The following MSC variants were observed in gnomAD, a reference collection of about 807,000 sequenced individuals.
The protein encoded by MSC is musculin.
Under a neutral mutation model 14.4 loss-of-function variants are expected in MSC, and 16 were observed. That is an observed-to-expected ratio of 1.11 (90% CI 0.75 to 1.69). The LOEUF (loss-of-function observed/expected upper bound fraction) is 1.69. Among genes scored for constraint, MSC ranks in the 40% most tolerant of loss-of-function variants. MSC has a pLI of 0.00. For missense variants in MSC, 320 were observed against 288.1 expected (o/e 1.11, Z -0.80); for synonymous variants, 165 against 128.5 (o/e 1.28, Z -1.92).
intron 1 of MSC, 61 bp downstream of exon 1, chr8:71,843,584 C>A (rs774628993): frequency 3.0e-5 from 49 of 1,611,856 alleles, no homozygotes; most frequent in Non-Finnish European, 4.2e-5. Context: ...TGCCCGGCGC[C>A]CAGGAGCGCC....
chr8:71,844,078 A>G lies in MSC; in HGVS notation c.101T>C (p.Val34Ala). ...ACTGGGCGAGGCGTAGCTGCGCTCT[A>G]CGCCGCGGAGGGGCGGCCTCTTGGA... Reference protein sequence around the residue: ...PASKRPPLRGVERSYASPSDN... With the variant: ...PASKRPPLRGAERSYASPSDN... The change falls in exon 1 of 2, where the codon GTA becomes GCA. Residue 34 changes from valine to alanine, a missense_variant. Transcript: ENST00000325509. 1 of 1,524,160 alleles carries G rather than the reference A, an allele frequency of 6.6e-7. No individual in the cohort carries two copies. The highest frequency in any genetic ancestry group is 8.8e-7 in the Non-Finnish European group (1 of 1,137,728). The allele number at this position is 1,524,160 out of a possible 1,614,324, so 94.4% of individuals were successfully genotyped here.
rs745467298 is a variant in MSC, at chr8:71,844,153, G to A, written c.26C>T (p.Pro9Leu). 4.5e-6 allele frequency: 7 copies of A among 1,546,484 alleles called. No homozygotes were observed. The highest frequency in any genetic ancestry group is 6.1e-6 in the Non-Finnish European group (7 of 1,146,728). Residue 9 changes from proline to leucine, a missense_variant, in exon 1 of 2, where the codon CCG (proline) becomes CTG (leucine). Pro to Leu is a moderately conservative substitution (Grantham distance 98). Transcript: ENST00000325509. MSTGSVSD[P>L]EEMELRGLQR... Reference sequence around the variant, plus strand: ...CAGCCCCCGAAGCTCCATCTCCTCCGGATCACTCACCGAGCCCGTGGACAT... The same window carrying A: ...CAGCCCCCGAAGCTCCATCTCCTCCAGATCACTCACCGAGCCCGTGGACAT...
Position 71,842,279 on chromosome 8 carries a change from A to G in MSC, c.*382T>C. 3.4e-6 allele frequency: 1 copy of G among 290,842 alleles called. No individual in the cohort carries two copies. Among genetic ancestry groups the G allele is most frequent in the Non-Finnish European group, 6.8e-6 (1 of 146,820 alleles). The allele number at this position is 290,842 out of a possible 1,614,324, so 18.0% of individuals were successfully genotyped here. On this transcript the variant is annotated 3_prime_UTR_variant, in exon 2 of 2. Coordinates refer to ENST00000325509, the MANE Select transcript of MSC (RefSeq NM_005098.4). Reference sequence around the variant, plus strand: ...ACCGCGAAAGGCCGGGGCTGTGTGGAACCGTCCCGCACGTGTGCGATGAAT... The same window carrying G: ...ACCGCGAAAGGCCGGGGCTGTGTGGGACCGTCCCGCACGTGTGCGATGAAT...
Position 71,844,199 on chromosome 8 carries a change from C to T in MSC, c.-21G>A, listed in dbSNP as rs117870828. The T allele has an allele frequency of 1.8e-4, 294 of 1,595,050 alleles. 2 individuals are homozygous for T. In the East Asian group the frequency reaches 6.5e-3, roughly 35 times the overall value. On this transcript the variant is annotated 5_prime_UTR_variant, in exon 1 of 2. It adds an upstream start codon to the 5' untranslated region. Transcript: ENST00000325509. ...GACATCCCGTTGTCCCCCTTGCCCA[C>T]ACGCGTCCTCTTTCCTCCCCCCTGG...
At position 71,843,987 on chromosome 8, in the gene MSC, G is replaced by C; in HGVS notation, c.192C>G (p.Ala64=). 1.9e-6 allele frequency: 3 copies of C among 1,565,144 alleles called. No homozygotes were observed. Among genetic ancestry groups the C allele is most frequent in the Middle Eastern group, 1.7e-4 (1 of 5,792 alleles). The stretch of plus-strand genomic sequence containing the variant: ...TCCTCTTGCAGCCTTCCGCGCTGCC[G>C]GCTGTGCCCAGAGCGCAGCGCTCCT... ...GEEERCALGT[A]GSAEGCKRKR... Residue 64 remains alanine, a synonymous_variant, in exon 1 of 2, where the codon GCC becomes GCG. Coordinates refer to ENST00000325509, the MANE Select transcript of MSC (RefSeq NM_005098.4).
chr8:71,843,444 A>G (rs759384409), intron 1 of MSC: 2 of 719,654 alleles, frequency 2.8e-6, no homozygotes, highest in South Asian at 3.1e-5. Flanking sequence ...ATGCAAACAG[A>G]CACGGAGGGT....
Position 71,843,718 on chromosome 8 carries a change from C to T in MSC, c.461G>A (p.Ser154Asn), listed in dbSNP as rs764300052. ...CAGCTGCCGCAGGTGAGCGATGTAA[C>T]TGGAAGCCAGCCGGAGCGTGTCCAG... ...SKLDTLRLASSYIAHLRQLLQ... is the reference protein window; with the variant it reads ...SKLDTLRLASNYIAHLRQLLQ... The change falls in exon 1 of 2, where the codon AGT (serine) becomes AAT (asparagine). Residue 154 changes from serine to asparagine, a missense_variant. By Grantham distance (46) the Ser-to-Asn change is conservative. Coordinates refer to ENST00000325509, the MANE Select transcript of MSC (RefSeq NM_005098.4). The T allele has an allele frequency of 4.3e-6, 7 of 1,614,100 alleles. No individual in the cohort carries two copies. The highest frequency in any genetic ancestry group is 3.4e-6 in the Non-Finnish European group (4 of 1,180,048).
rs766955672 is a variant in MSC at position 71,843,544 on chromosome 8, C to A, written c.534+101G>T. On this transcript the variant is annotated intron_variant, in intron 1 of 1. Coordinates refer to ENST00000325509, the MANE Select transcript of MSC (RefSeq NM_005098.4). ...CGTTCCCAGTCCCAGAACCTCCACC[C>A]CTTTCGAATTCTTCCCAACGGGCTG... is the stretch of plus-strand genomic sequence containing the variant. 4.1e-6 allele frequency: 6 copies of A among 1,475,802 alleles called. No individual in the cohort carries two copies. The African/African-American group carries it at 8.4e-5, about 21-fold the overall frequency. The allele number at this position is 1,475,802 out of a possible 1,614,324, so 91.4% of individuals were successfully genotyped here.
Position 71,843,957 on chromosome 8 carries a change from C to A in MSC, c.222G>T (p.Arg74=). 1.3e-6 allele frequency: 2 copies of A among 1,561,614 alleles called. No homozygotes were observed. The highest frequency in any genetic ancestry group is 2.7e-5 in the African/African-American group (2 of 73,668). Residue 74 remains arginine, a synonymous_variant, in exon 1 of 2, where the codon CGG becomes CGT. Transcript: ENST00000325509. ...AGSAEGCKRK[R]PRVAGGGGAG... is the part of the protein sequence containing the mutation. ...CGCCGCCGCCCCCAGCCACACGGGGCCGCTTCCTCTTGCAGCCTTCCGCGC... is the reference window on the plus strand; with the variant it reads ...CGCCGCCGCCCCCAGCCACACGGGGACGCTTCCTCTTGCAGCCTTCCGCGC...
chr8:71,844,205 T>C lies in MSC; in HGVS notation c.-27A>G. ...CCGTTGTCCCCCTTGCCCACACGCG[T>C]CCTCTTTCCTCCCCCCTGGCCAGTC... On this transcript the variant is annotated 5_prime_UTR_variant, in exon 1 of 2. Coordinates refer to ENST00000325509, the MANE Select transcript of MSC (RefSeq NM_005098.4). 1 of 1,597,916 alleles carries C rather than the reference T, an allele frequency of 6.3e-7. No individual in the cohort carries two copies. The highest frequency in any genetic ancestry group is 8.5e-7 in the Non-Finnish European group (1 of 1,171,466).
Position 71,844,335 on chromosome 8 carries a change from G to A in MSC, c.-157C>T. On this transcript the variant is annotated 5_prime_UTR_variant, in exon 1 of 2. Transcript: ENST00000325509. ...AAGCGCGGGGTGAGAAAGCGAGGTG[G>A]GTGGCGAGAGCGTGAGCGCCCCTCT... The A allele has an allele frequency of 9.3e-7, 1 of 1,079,038 alleles. No individual in the cohort carries two copies. Among genetic ancestry groups the A allele is most frequent in the Non-Finnish European group, 1.4e-6 (1 of 730,340 alleles). 66.8% of individuals were successfully genotyped at this position (1,079,038 alleles called of 1,614,324 possible).
rs1425819621 is a variant in MSC, at chr8:71,844,076, C to G, written c.103G>C (p.Glu35Gln). The change falls in exon 1 of 2, where the codon GAG becomes CAG. Residue 35 changes from glutamate to glutamine, a missense_variant. Glu to Gln is a conservative substitution (Grantham distance 29). Transcript: ENST00000325509. Reference sequence around the variant, plus strand: ...TCACTGGGCGAGGCGTAGCTGCGCTCTACGCCGCGGAGGGGCGGCCTCTTG... The same window carrying G: ...TCACTGGGCGAGGCGTAGCTGCGCTGTACGCCGCGGAGGGGCGGCCTCTTG... ...ASKRPPLRGV[E>Q]RSYASPSDNS... The G allele has an allele frequency of 6.6e-7, 1 of 1,521,542 alleles. No individual in the cohort carries two copies. The highest frequency in any genetic ancestry group is 2.3e-5 in the East Asian group (1 of 43,598). 94.3% of individuals were successfully genotyped at this position (1,521,542 alleles called of 1,614,324 possible). A position where few individuals can be genotyped will look rare whatever the true frequency, so the allele number is the denominator to read the frequency against.
chr8:71,842,707 G>C lies in MSC; in HGVS notation c.575C>G (p.Thr192Ser), dbSNP rs1338493051. The change falls in exon 2 of 2, where the codon ACC becomes AGC. Residue 192 changes from threonine (T) to serine (S), a missense_variant. Coordinates refer to ENST00000325509, the MANE Select transcript of MSC (RefSeq NM_005098.4). ...TCTGTTGGCTGCGGAAACTTCTTTG[G>C]TGTCAGAGTCCGGTCTTCCCGAGAC... ...FVVSGRPDSD[T>S]KEVSAANRLC... 3 of 1,614,076 alleles carry C rather than the reference G, an allele frequency of 1.9e-6. No homozygotes were observed. Among genetic ancestry groups the C allele is most frequent in the Non-Finnish European group, 1.7e-6 (2 of 1,180,004 alleles).
At position 71,844,044 on chromosome 8, in the gene MSC, C is replaced by T; in HGVS notation, c.135G>A (p.Ser45=). Reference sequence around the variant, plus strand: ...CGTCGGGGTCCTCCTCCTCTGCCGACGAGTTGTCACTGGGCGAGGCGTAGC... The same window carrying T: ...CGTCGGGGTCCTCCTCCTCTGCCGATGAGTTGTCACTGGGCGAGGCGTAGC... The part of the protein sequence containing the change: ...ERSYASPSDN[S]SAEEEDPDGE... The change falls in exon 1 of 2, where the codon TCG becomes TCA. Residue 45 remains serine (S), a synonymous_variant. Transcript: ENST00000325509. The T allele has an allele frequency of 1.3e-6, 2 of 1,561,582 alleles. No individual in the cohort carries two copies. Among genetic ancestry groups the T allele is most frequent in the Non-Finnish European group, 1.7e-6 (2 of 1,156,070 alleles).
At chr8:71,842,943 C>G in intron 1 of MSC, 196 bp from the exon 2 acceptor site, 1 of 531,118 alleles carries the variant, frequency 1.9e-6, no homozygotes, top group Non-Finnish European at 3.5e-6. Context: ...TTGCCATATC[C>G]GTTCACGCTT....
rs375329529 is a variant in MSC at position 71,843,639 on chromosome 8, C to G, written c.534+6G>C. On this transcript the variant is annotated splice_donor_region_variant and intron_variant, in intron 1 of 1. Transcript: ENST00000325509. ...TCTCCCGAATCCTTGCGCGCCGCGC[C>G]CCTACCAGGTTCACTGGGTGCACGT... 9 of 1,614,160 alleles carry G rather than the reference C, an allele frequency of 5.6e-6. No individual in the cohort carries two copies. The African/African-American group carries it at 1.1e-4, about 19-fold the overall frequency.
intron 1 of MSC, 55 bp from the exon 2 acceptor site, chr8:71,842,802 A>G: frequency 6.6e-7 from 1 of 1,521,966 alleles, no homozygotes; most frequent in Non-Finnish European, 9.1e-7. Context: ...CTCAAACCGA[A>G]ACAGCTCTCC....
rs1272078102 is a variant in MSC at position 71,841,677 on chromosome 8, C to T, written c.*984G>A. ...GCGTTCCCTATCGCAGGATCACTTGCTATGGTAAGCCGCCCACCCTGCGCG... is the reference window on the plus strand; with the variant it reads ...GCGTTCCCTATCGCAGGATCACTTGTTATGGTAAGCCGCCCACCCTGCGCG... On this transcript the variant is annotated 3_prime_UTR_variant, in exon 2 of 2. Transcript: ENST00000325509. 1.3e-5 allele frequency: 2 copies of T among 152,376 alleles called. No homozygotes were observed. The highest frequency in any genetic ancestry group is 3.9e-4 in the East Asian group (2 of 5,184). The allele number at this position is 152,376 out of a possible 1,614,324, so 9.4% of individuals were successfully genotyped here. A position where few individuals can be genotyped will look rare whatever the true frequency, so the allele number is the denominator to read the frequency against.
Position 71,843,882 on chromosome 8 carries a change from GC to G in MSC, c.296del (p.Gly99AlafsTer25). On this transcript the variant is annotated frameshift_variant, in exon 1 of 2. Coordinates refer to ENST00000325509, the MANE Select transcript of MSC (RefSeq NM_005098.4). LOFTEE classifies it high-confidence loss of function. The part of the protein sequence containing the change: ...GGGKKPLPAK[G>X]SAAECKQSQR... ...GCGACTGCTTGCACTCTGCGGCTGA[GC>G]CCTTGGCCGGGAGGGGCTTCTTGCC... is the stretch of plus-strand genomic sequence containing the variant. The G allele has an allele frequency of 6.2e-7, 1 of 1,606,930 alleles. No homozygotes were observed. Among genetic ancestry groups the G allele is most frequent in the Non-Finnish European group, 8.5e-7 (1 of 1,176,992 alleles).
Sources: allele counts gnomAD v4.1 joint callset, GRCh38; gene constraint gnomAD v4.1.1; transcripts MANE v1.5; gene names NCBI Gene and HGNC (gene_info 2026-07-23, HGNC 2026-07-21).